DNAH11: variants seen among roughly 807,000 people sequenced by gnomAD.
DNAH11 encodes the protein dynein axonemal heavy chain 11.
A neutral mutation model predicts 526.0 loss-of-function variants in DNAH11; 442 were observed. The ratio of observed to expected loss-of-function variants is 0.84; its 90% CI spans 0.78 to 0.91. The LOEUF is 0.91. Among genes scored for constraint, DNAH11 ranks in the 40% least tolerant of loss-of-function variants. DNAH11 has a pLI of 0.00. For synonymous variants in DNAH11, 2,461 were observed against 1,935.9 expected (o/e 1.27, Z -7.12); for missense variants, 6,989 against 5,448.7 (o/e 1.28, Z -8.90).
intron 8 of DNAH11, among the ~76,000 whole-genome samples, chr7:21,574,638 ACTGCAACCT>A (rs1562672016): frequency 1.4e-5 from 2 of 139,576 alleles, no homozygotes; most frequent in Non-Finnish European, 3.0e-5. Context: ...ATCTTAGCTC[ACTGCAACCT>A]CTGCCTCCTG....
chr7:21,663,331 G>T (rs759778778), intron 30 of DNAH11, among the ~76,000 whole-genome samples: 4 of 152,058 alleles, frequency 2.6e-5, no homozygotes, highest in Non-Finnish European at 5.9e-5. Flanking sequence ...TTTCCTTTCA[G>T]TAGATACTTG....
At chr7:21,892,782 A>G in intron 77 of DNAH11, 115 bp downstream of exon 77, 1 of 1,180,724 alleles carries the variant, frequency 8.5e-7, no homozygotes, top group Non-Finnish European at 1.2e-6. Context: ...TACTCATACA[A>G]CCACCACCTA....
In DNAH11 at chr7:21,707,794, T is replaced by C. The variant is rs374909065; in HGVS notation, c.6642T>C (p.Phe2214=). ...AAGCTGTGACAACAGATGAACTCTT[T>C]GGTTTCATACATCATGCTACCCGAG... ...NPKAVTTDEL[F]GFIHHATREW... Residue 2214 remains phenylalanine (F), a synonymous_variant, in exon 40 of 82, where the codon TTT becomes TTC. Coordinates refer to ENST00000409508, the MANE Select transcript of DNAH11 (RefSeq NM_001277115.2). The C allele has an allele frequency of 4.3e-6, 7 of 1,611,640 alleles. No individual in the cohort carries two copies. The highest frequency in any genetic ancestry group is 1.7e-5 in the Admixed American group (1 of 59,610).
intron 68 of DNAH11, among the ~76,000 whole-genome samples, chr7:21,858,369 A>C (rs1365680971): frequency 6.6e-6 from 1 of 152,238 alleles, no homozygotes; most frequent in African/African-American, 2.4e-5. Context: ...CTTTTACTCC[A>C]GGCATTTACC....
At chr7:21,795,266 G>GTACC (rs1788659598) in intron 61 of DNAH11, among the ~76,000 whole-genome samples, 1 of 152,164 alleles carries the variant, frequency 6.6e-6, no homozygotes, top group South Asian at 2.1e-4. Context: ...GCGGATCCTA[G>GTACC]TACCTAGTAC....
At chr7:21,630,579 G>A (rs1274616511) in intron 25 of DNAH11, among the ~76,000 whole-genome samples, 1 of 152,154 alleles carries the variant, frequency 6.6e-6, no homozygotes, top group Admixed American at 6.5e-5. Context: ...GTATAAGTTT[G>A]CTGGACACAG....
intron 60 of DNAH11, among the ~76,000 whole-genome samples, chr7:21,787,850 A>G (rs936280655): frequency 6.6e-6 from 1 of 152,166 alleles, no homozygotes; most frequent in Non-Finnish European, 1.5e-5. Flanking sequence ...CTTTTATATG[A>G]ATTTTACTTA....
chr7:21,555,597 A>G (rs1783186027), intron 2 of DNAH11, among the ~76,000 whole-genome samples: 1 of 152,216 alleles, frequency 6.6e-6, no homozygotes, highest in South Asian at 2.1e-4. Flanking sequence ...TCTATGTTAT[A>G]TCTCAGTTAC....
chr7:21,777,470 T>C (rs911936994), intron 56 of DNAH11, among the ~76,000 whole-genome samples: 4 of 152,202 alleles, frequency 2.6e-5, no homozygotes, highest in Admixed American at 2.6e-4. Context: ...TACTTGGATG[T>C]TTACATTTAT....
intron 58 of DNAH11, among the ~76,000 whole-genome samples, chr7:21,785,663 G>T (rs1788141331): frequency 6.7e-6 from 1 of 150,182 alleles, no homozygotes; most frequent in South Asian, 2.1e-4. Flanking sequence ...CTTTACTCAG[G>T]CAAAATAGCT....
At chr7:21,702,620 C>T in intron 36 of DNAH11, 90 bp from the exon 37 acceptor site, 1 of 1,016,316 alleles carries the variant, frequency 9.8e-7, no homozygotes, top group Non-Finnish European at 1.5e-6. Context: ...TATCTGAACT[C>T]CTTCTTAAAA....
intron 9 of DNAH11, among the ~76,000 whole-genome samples, chr7:21,587,281 C>T (rs1784504237): frequency 6.6e-6 from 1 of 152,106 alleles, no homozygotes; most frequent in African/African-American, 2.4e-5. Context: ...GCTCCATTGA[C>T]TGAGCAAGAG....
intron 66 of DNAH11, among the ~76,000 whole-genome samples, chr7:21,845,988 G>A (rs1562580705): frequency 6.6e-6 from 1 of 152,076 alleles, no homozygotes; most frequent in East Asian, 1.9e-4. Flanking sequence ...CAGTTGTTTG[G>A]TACTAATGTA....
In DNAH11 at chr7:21,619,225, A is replaced by G; in HGVS notation, c.4377+3A>G. The stretch of plus-strand genomic sequence containing the variant: ...TGAAAGAGCTGGGGACTGAGAAGGT[A>G]GTGTCCTCGGGACTGGGTCATTTCT... On this transcript the variant is annotated splice_donor_region_variant and intron_variant, in intron 24 of 81. Coordinates refer to ENST00000409508, the MANE Select transcript of DNAH11 (RefSeq NM_001277115.2). 6.2e-7 allele frequency: 1 copy of G among 1,612,414 alleles called. No homozygotes were observed. The highest frequency in any genetic ancestry group is 8.5e-7 in the Non-Finnish European group (1 of 1,179,118).
chr7:21,765,317 G>A (rs769675314), intron 54 of DNAH11, 111 bp from the exon 55 acceptor site: 2 of 1,506,916 alleles, frequency 1.3e-6, no homozygotes, highest in African/African-American at 2.7e-5. Flanking sequence ...CTTTAGGGTA[G>A]TTTAATGTCA....
intron 55 of DNAH11, among the ~76,000 whole-genome samples, chr7:21,766,104 T>C (rs928895958): frequency 6.6e-6 from 1 of 152,152 alleles, no homozygotes; most frequent in East Asian, 1.9e-4. Flanking sequence ...TATATCTACT[T>C]ACTGTTTTAC....
intron 44 of DNAH11, 83 bp from the exon 45 acceptor site, chr7:21,725,728 A>ATATTGTTACTCATAATTTG (rs1160956808): frequency 7.2e-7 from 1 of 1,385,328 alleles, no homozygotes; most frequent in African/African-American, 1.4e-5. Context: ...TACCCCTATG[A>ATATTGTTACTCATAATTTG]TATTGTTACT....
At chr7:21,751,677 C>T (rs1213642439) in intron 54 of DNAH11, among the ~76,000 whole-genome samples, 1 of 152,232 alleles carries the variant, frequency 6.6e-6, no homozygotes, top group East Asian at 1.9e-4. Context: ...CTGAATATGC[C>T]TTAGATTGGA....
chr7:21,842,374 G>A (rs940667974), intron 65 of DNAH11, among the ~76,000 whole-genome samples, 170 bp from the exon 66 acceptor site: 4 of 152,100 alleles, frequency 2.6e-5, no homozygotes, highest in African/African-American at 9.7e-5. Flanking sequence ...GATTTGCTGG[G>A]TGATTGCTGA....
Sources: gnomAD v4.1 joint callset for allele counts (sites outside exome capture counted in the v4.1 genomes callset) on GRCh38, gnomAD v4.1.1 for gene constraint, MANE v1.5 for transcripts, NCBI Gene and HGNC (gene_info 2026-07-23, HGNC 2026-07-21) for gene names.